SMAD7: variants seen among roughly 807,000 people sequenced by gnomAD.
SMAD7 encodes the protein SMAD family member 7, also known as MAD (mothers against decapentaplegic, Drosophila) homolog 7.
SMAD7 carries 8 observed loss-of-function variants against 38.7 expected under a neutral mutation model. The ratio of observed to expected loss-of-function variants is 0.21; its 90% CI spans 0.12 to 0.37. SMAD7 has a LOEUF of 0.37. Among genes scored for constraint, SMAD7 ranks in the 10% least tolerant of loss-of-function variants. SMAD7 has a pLI of 1.00. For missense variants in SMAD7, 477 were observed against 577.9 expected (o/e 0.83, Z 1.79); for synonymous variants, 327 against 265.1 (o/e 1.23, Z -2.27).
At chr18:48,942,393 G>C in intron 3 of SMAD7, 88 bp downstream of exon 3, 1 of 826,094 alleles carries the variant, frequency 1.2e-6, no homozygotes, top group East Asian at 2.5e-5. Flanking sequence ...GACCAGCTGG[G>C]GTGGCAGAAG....
At chr18:48,929,565 T>TCACACACA (rs756130657) in intron 3 of SMAD7, among the ~76,000 whole-genome samples, 6 of 40,212 alleles carry the variant, frequency 1.5e-4, no homozygotes, top group Admixed American at 8.6e-4. Context: ...TCTCTCTCTC[T>TCACACACA]CTCTCACTCA....
intron 1 of SMAD7, 44 bp downstream of exon 1, chr18:48,949,768 C>A (rs1371324843): frequency 2.0e-6 from 3 of 1,527,494 alleles, no homozygotes; most frequent in Non-Finnish European, 1.8e-6. Flanking sequence ...TCTTCCAGCA[C>A]TGGCGCTCCG....
chr18:48,948,971 A>C (rs1395208560), intron 1 of SMAD7, among the ~76,000 whole-genome samples: 1 of 152,070 alleles, frequency 6.6e-6, no homozygotes, highest in African/African-American at 2.4e-5. Context: ...CTCACATCAC[A>C]CTCTGTGTAC....
In SMAD7 at chr18:48,949,818, C is replaced by T; in HGVS notation, c.607G>A (p.Glu203Lys). 1 of 1,607,212 alleles carries T rather than the reference C, an allele frequency of 6.2e-7. No individual in the cohort carries two copies. The highest frequency in any genetic ancestry group is 1.3e-5 in the African/African-American group (1 of 74,820). Residue 203 changes from glutamate to lysine, a missense_variant, in exon 1 of 4, where the codon GAA becomes AAA. Physicochemically the swap from Glu to Lys is moderately conservative, Grantham distance 56. This residue lies in a region of SMAD7 where 376 missense variants were observed against 379.4 expected (regional missense o/e 0.99). Transcript: ENST00000262158. ...CNPHHLSRLC[E>K]LESPPPPYSR... ...TAGGGGGACAACTTCTCACCTAGTT[C>T]GCAGAGTCGGCTAAGGTGATGGGGG...
At chr18:48,941,894 C>G (rs2070144225) in intron 3 of SMAD7, among the ~76,000 whole-genome samples, 1 of 152,184 alleles carries the variant, frequency 6.6e-6, no homozygotes, top group Admixed American at 6.5e-5. Context: ...GGAAAACCTG[C>G]CCCGCTAGGG....
chr18:48,933,789 C>T (rs556495629), intron 3 of SMAD7: 9 of 152,458 alleles, frequency 5.9e-5, no homozygotes, highest in African/African-American at 2.2e-4. Flanking sequence ...CACCTGCCCA[C>T]AGCATTCTGC....
In SMAD7 at chr18:48,950,080, C is replaced by T. The variant is rs2143826858; in HGVS notation, c.345G>A (p.Val115=). 1.4e-6 allele frequency: 2 copies of T among 1,460,376 alleles called. No homozygotes were observed. Among genetic ancestry groups the T allele is most frequent in the Non-Finnish European group, 1.8e-6 (2 of 1,109,142 alleles). The allele number at this position is 1,460,376 out of a possible 1,614,324, so 90.5% of individuals were successfully genotyped here. Residue 115 remains valine (V), a synonymous_variant, in exon 1 of 4, where the codon GTG becomes GTA. Transcript: ENST00000262158. ...CGGTGCGCGTCCCGCCGCGGGACTCCACGGCCTGGAGCAGCAGCTCCAGCT... is the reference window on the plus strand; with the variant it reads ...CGGTGCGCGTCCCGCCGCGGGACTCTACGGCCTGGAGCAGCAGCTCCAGCT... The part of the protein sequence containing the change: ...ERQLELLLQA[V]ESRGGTRTAC...
intron 3 of SMAD7, among the ~76,000 whole-genome samples, chr18:48,929,629 C>A (rs537262808): frequency 4.2e-5 from 6 of 142,968 alleles, no homozygotes; most frequent in Non-Finnish European, 9.1e-5. Context: ...TTAATACAAA[C>A]CACTGCATCA....
Position 48,950,128 on chromosome 18 carries a change from C to T in SMAD7, c.297G>A (p.Val99=), listed in dbSNP as rs1257407404. ...EADLKALTHS[V]LKKLKERQLE... ...GCTGCCGCTCCTTCAGTTTCTTGAG[C>T]ACCGAGTGCGTGAGCGCCTTCAGAT... The change falls in exon 1 of 4, where the codon GTG becomes GTA. Residue 99 remains valine, a synonymous_variant. Coordinates refer to ENST00000262158, the MANE Select transcript of SMAD7 (RefSeq NM_005904.4). The T allele has an allele frequency of 6.7e-7, 1 of 1,495,000 alleles. No individual in the cohort carries two copies. The highest frequency in any genetic ancestry group is 8.9e-7 in the Non-Finnish European group (1 of 1,126,022). 92.6% of individuals were successfully genotyped at this position (1,495,000 alleles called of 1,614,324 possible). A position where few individuals can be genotyped will look rare whatever the true frequency, so the allele number is the denominator to read the frequency against.
chr18:48,923,019 C>CGGG (rs766359432), intron 3 of SMAD7, among the ~76,000 whole-genome samples: 8 of 152,212 alleles, frequency 5.3e-5, no homozygotes, highest in Non-Finnish European at 1.0e-4. Context: ...TAGGAGCCAG[C>CGGG]GGGCAGGCCT....
intron 3 of SMAD7, among the ~76,000 whole-genome samples, chr18:48,934,312 A>T (rs775623626): frequency 1.3e-5 from 2 of 152,124 alleles, no homozygotes; most frequent in Non-Finnish European, 2.9e-5. Flanking sequence ...CTGCAGGATG[A>T]GGGGGACACG....
intron 2 of SMAD7, among the ~76,000 whole-genome samples, chr18:48,944,783 GGCCTGTGTC>G (rs1237563126): frequency 6.6e-6 from 1 of 152,202 alleles, no homozygotes; most frequent in Non-Finnish European, 1.5e-5. Flanking sequence ...TCTCACCTTA[GGCCTGTGTC>G]GCCTGTTCCC....
chr18:48,934,833 G>A (rs1011347800), intron 3 of SMAD7, among the ~76,000 whole-genome samples: 3 of 150,536 alleles, frequency 2.0e-5, no homozygotes, highest in Non-Finnish European at 4.4e-5. Flanking sequence ...TACCTTTCAC[G>A]AACCACTTTT....
chr18:48,924,677 G>T (rs72917756), intron 3 of SMAD7, among the ~76,000 whole-genome samples: 5,871 of 152,232 alleles, frequency 0.039, 172 homozygotes, highest in Non-Finnish European at 0.061. Context: ...CTAACCCACC[G>T]CAGGGAGACT....
chr18:48,950,485 C>A lies in SMAD7; in HGVS notation c.-61G>T. ...TGCTAAGGAGCGAACATGACCTCCG[C>A]ACACCATGAAGAAGTCGGGCGCCGA... On this transcript the variant is annotated 5_prime_UTR_variant, in exon 1 of 4. Transcript: ENST00000262158. The A allele has an allele frequency of 6.8e-7, 1 of 1,469,090 alleles. No homozygotes were observed. The highest frequency in any genetic ancestry group is 1.3e-5 in the South Asian group (1 of 76,354). 91.0% of individuals were successfully genotyped at this position (1,469,090 alleles called of 1,614,324 possible).
chr18:48,920,973 G>A lies in SMAD7; in HGVS notation c.*399C>T, dbSNP rs2069850538. ...AGAGACACAAAACAAAGAGCACGTT[G>A]TCTCCCCATCTGCCGCTCCTGCACA... is the stretch of plus-strand genomic sequence containing the variant. On this transcript the variant is annotated 3_prime_UTR_variant, in exon 4 of 4. Coordinates refer to ENST00000262158, the MANE Select transcript of SMAD7 (RefSeq NM_005904.4). 1 of 186,566 alleles carries A rather than the reference G, an allele frequency of 5.4e-6. No individual in the cohort carries two copies. The highest frequency in any genetic ancestry group is 2.4e-5 in the African/African-American group (1 of 42,164). 11.6% of individuals were successfully genotyped at this position (186,566 alleles called of 1,614,324 possible).
chr18:48,945,024 C>T (rs1038253110), intron 2 of SMAD7, among the ~76,000 whole-genome samples: 2 of 152,312 alleles, frequency 1.3e-5, no homozygotes, highest in African/African-American at 4.8e-5. Context: ...GGGAGTCCCA[C>T]GATAGTCTCA....
Position 48,950,188 on chromosome 18 carries a change from G to C in SMAD7, c.237C>G (p.Ala79=). Residue 79 remains alanine, a synonymous_variant, in exon 1 of 4, where the codon GCC becomes GCG. Coordinates refer to ENST00000262158, the MANE Select transcript of SMAD7 (RefSeq NM_005904.4). ...AKGHHHPHPP[A]AGAGAAGGAE... ...CGCCCCCGGCCGCGCCGGCGCCCGCGGCTGGCGGGTGGGGATGGTGGTGAC... is the reference window on the plus strand; with the variant it reads ...CGCCCCCGGCCGCGCCGGCGCCCGCCGCTGGCGGGTGGGGATGGTGGTGAC... 6.7e-7 allele frequency: 1 copy of C among 1,485,452 alleles called. No individual in the cohort carries two copies. Among genetic ancestry groups the C allele is most frequent in the Non-Finnish European group, 8.9e-7 (1 of 1,124,196 alleles). The allele number at this position is 1,485,452 out of a possible 1,614,324, so 92.0% of individuals were successfully genotyped here.
At chr18:48,944,127 A>G (rs1054046063) in intron 2 of SMAD7, among the ~76,000 whole-genome samples, 1 of 152,222 alleles carries the variant, frequency 6.6e-6, no homozygotes, top group Admixed American at 6.5e-5. Context: ...TACTTGTTAA[A>G]TGGTGTATAC....
Sources: gnomAD v4.1 joint callset for allele counts (sites outside exome capture counted in the v4.1 genomes callset) on GRCh38, gnomAD v4.1.1 for gene constraint, gnomAD v4.1.1 regional missense constraint, MANE v1.5 for transcripts, NCBI Gene and HGNC (gene_info 2026-07-23, HGNC 2026-07-21) for gene names.